FOXP1: variants seen among roughly 807,000 people sequenced by gnomAD.
The protein encoded by FOXP1 is forkhead box P1, also known as forkhead box protein P1.
FOXP1 carries 15 observed loss-of-function variants against 98.2 expected under a neutral mutation model. The ratio of observed to expected loss-of-function variants is 0.15; its 90% CI spans 0.10 to 0.24. FOXP1 has a LOEUF of 0.24. FOXP1 is among the 10% of genes least tolerant of loss of function. The pLI is 1.00. For synonymous variants in FOXP1, 371 were observed against 314.5 expected, an observed-to-expected ratio of 1.18 and a Z score of -1.90; for missense variants, 633 against 848.5, an observed-to-expected ratio of 0.75 and a Z score of 3.15.
intron 2 of FOXP1, among the ~76,000 whole-genome samples, chr3:71,547,793 G>A (rs148105786): frequency 6.6e-6 from 1 of 152,318 alleles, no homozygotes; most frequent in African/African-American, 2.4e-5. Context: ...GAGGACAGCT[G>A]TGACTATTCA....
chr3:71,125,897 T>C (rs183646562), intron 6 of FOXP1, among the ~76,000 whole-genome samples: 1 of 152,226 alleles, frequency 6.6e-6, no homozygotes. Context: ...TCGCTAGCTG[T>C]GTGACCTGAG....
intron 4 of FOXP1, among the ~76,000 whole-genome samples, chr3:71,318,713 G>C (rs949668763): frequency 6.6e-6 from 1 of 152,170 alleles, no homozygotes; most frequent in Non-Finnish European, 1.5e-5. Flanking sequence ...TGTGTTGCTT[G>C]TAAATCTGAC....
chr3:71,132,822 CACAA>C (rs1253751212), intron 6 of FOXP1, among the ~76,000 whole-genome samples: 1 of 152,100 alleles, frequency 6.6e-6, no homozygotes, highest in Non-Finnish European at 1.5e-5. Context: ...CAAAAAACAA[CACAA>C]ACAAACAAAG....
At chr3:71,300,672 AAAAG>A (rs1459269250) in intron 4 of FOXP1, among the ~76,000 whole-genome samples, 1 of 152,192 alleles carries the variant, frequency 6.6e-6, no homozygotes, top group Non-Finnish European at 1.5e-5. Context: ...GGCACGAGTG[AAAAG>A]AAAAACATTT....
intron 5 of FOXP1, among the ~76,000 whole-genome samples, chr3:71,234,159 T>TA (rs11362569): frequency 9.5e-4 from 142 of 149,026 alleles, no homozygotes; most frequent in African/African-American, 2.9e-3. Flanking sequence ...ATATTATAAG[T>TA]AAAAAAAAAA....
chr3:71,047,423 G>C (rs551842650), intron 9 of FOXP1, among the ~76,000 whole-genome samples: 1 of 152,324 alleles, frequency 6.6e-6, no homozygotes, highest in Non-Finnish European at 1.5e-5. Context: ...ACACTAGAGA[G>C]AAGACTGCAT....
chr3:71,332,879 A>G (rs2076426742), intron 4 of FOXP1: 1 of 152,338 alleles, frequency 6.6e-6, no homozygotes, highest in Non-Finnish European at 1.5e-5. Context: ...CAATGCAGCA[A>G]CGGAAAGAAC....
rs112448505 is a variant in FOXP1, at chr3:71,411,617, C to A, written c.-167-52373G>T. ...GATTACAGGCATGAGCCACTGCGCC[C>A]GGCTGAATGGTCTTCATACCACATC... On this transcript the variant is annotated intron_variant, in intron 3 of 20. Transcript: ENST00000649528. Among the ~76,000 whole-genome samples the A allele has an allele frequency of 3.5e-3, 532 of 152,294 alleles. 4 individuals carry two copies. The highest frequency in any genetic ancestry group is 0.012 in the African/African-American group (514 of 41,552).
At chr3:71,198,938 C>T (rs1361262119) in intron 5 of FOXP1, among the ~76,000 whole-genome samples, 1 of 152,040 alleles carries the variant, frequency 6.6e-6, no homozygotes, top group Non-Finnish European at 1.5e-5. Context: ...CCTCGTGATC[C>T]ACCCGCCTCG....
At chr3:71,273,025 G>A (rs1416035706) in intron 5 of FOXP1, among the ~76,000 whole-genome samples, 2 of 152,130 alleles carry the variant, frequency 1.3e-5, no homozygotes, top group Non-Finnish European at 1.5e-5. Flanking sequence ...GGACTAAGGG[G>A]AGGCCTCACA....
chr3:71,489,065 T>A (rs567452567), intron 3 of FOXP1, among the ~76,000 whole-genome samples: 1 of 152,196 alleles, frequency 6.6e-6, no homozygotes, highest in African/African-American at 2.4e-5. Flanking sequence ...TGGCCCAAGG[T>A]ACCTGCCAGC....
At chr3:71,156,185 A>AG (rs997436959) in intron 6 of FOXP1, among the ~76,000 whole-genome samples, 8 of 152,092 alleles carry the variant, frequency 5.3e-5, no homozygotes, top group South Asian at 2.1e-4. Context: ...CTCCAGGGGG[A>AG]GGGGGGGTGA....
At chr3:71,135,778 A>G (rs546061246) in intron 6 of FOXP1, among the ~76,000 whole-genome samples, 4 of 152,326 alleles carry the variant, frequency 2.6e-5, no homozygotes, top group African/African-American at 9.6e-5. Context: ...GATGGTTAAA[A>G]TAACACTGCC....
chr3:71,422,240 A>C (rs1033608482), intron 3 of FOXP1, among the ~76,000 whole-genome samples: 1 of 152,242 alleles, frequency 6.6e-6, no homozygotes. Context: ...AGAAGCATGC[A>C]ACAGCATCAG....
At chr3:71,451,825 T>C (rs941360030) in intron 3 of FOXP1, among the ~76,000 whole-genome samples, 1 of 152,196 alleles carries the variant, frequency 6.6e-6, no homozygotes, top group Non-Finnish European at 1.5e-5. Flanking sequence ...GTCTCATTTG[T>C]GTAGGTGTTA....
intron 5 of FOXP1, among the ~76,000 whole-genome samples, chr3:71,221,316 G>A (rs2065363014): frequency 1.3e-5 from 2 of 152,210 alleles, no homozygotes; most frequent in South Asian, 2.1e-4. Flanking sequence ...TGCCAAAAAT[G>A]TTGGGGTCCA....
chr3:71,271,122 T>C (rs2070308770), intron 5 of FOXP1, among the ~76,000 whole-genome samples: 1 of 152,148 alleles, frequency 6.6e-6, no homozygotes, highest in African/African-American at 2.4e-5. Context: ...CTCAGCTACT[T>C]GGCAGGCTGA....
At chr3:71,029,659 G>C (rs1305708628) in intron 11 of FOXP1, among the ~76,000 whole-genome samples, 1 of 152,162 alleles carries the variant, frequency 6.6e-6, no homozygotes, top group Non-Finnish European at 1.5e-5. Flanking sequence ...CCAAAGTGCT[G>C]GGATTGTAGG....
At chr3:71,249,211 C>T (rs918651057) in intron 5 of FOXP1, among the ~76,000 whole-genome samples, 6 of 152,210 alleles carry the variant, frequency 3.9e-5, no homozygotes, top group African/African-American at 1.4e-4. Context: ...GGTCCTGGCG[C>T]CTGCCTGGCA....
Sources: gnomAD v4.1 joint callset for allele counts (sites outside exome capture counted in the v4.1 genomes callset) on GRCh38, gnomAD v4.1.1 for gene constraint, MANE v1.5 for transcripts, NCBI Gene and HGNC (gene_info 2026-07-23, HGNC 2026-07-21) for gene names.